The following MAF variants were observed in gnomAD, a reference collection of about 807,000 sequenced individuals.
The protein encoded by MAF is MAF bZIP transcription factor.
MAF carries 10 observed loss-of-function variants against 22.0 expected under a neutral mutation model. The observed-to-expected ratio is 0.45, with a 90% confidence interval of 0.28 to 0.77. The LOEUF (loss-of-function observed/expected upper bound fraction) is 0.77, where lower values mean the gene tolerates loss of function less well. MAF is among the 30% of genes least tolerant of loss of function. MAF has a pLI of 0.12. For synonymous variants in MAF, 337 were observed against 255.8 expected (o/e 1.32, Z -3.03); for missense variants, 544 against 548.4 (o/e 0.99, Z 0.08).
the MAF span, among the ~76,000 whole-genome samples, chr16:79,275,935 A>G: frequency 1.7e-4 from 26 of 152,232 alleles, 1 homozygote; most frequent in Middle Eastern, 6.8e-3. Context: ...AGGTCAGGAG[A>G]TCGAGACCGT....
the MAF span, among the ~76,000 whole-genome samples, chr16:79,406,034 C>A: frequency 6.6e-6 from 1 of 152,220 alleles, no homozygotes; most frequent in African/African-American, 2.4e-5. Flanking sequence ...CAATGGCTGA[C>A]TGGGGTTGGT....
chr16:79,528,968 C>T, the MAF span, among the ~76,000 whole-genome samples: 1 of 152,224 alleles, frequency 6.6e-6, no homozygotes, highest in Non-Finnish European at 1.5e-5. Flanking sequence ...TCCAGCTCCA[C>T]ACTGTTCTTT....
At chr16:79,355,297 G>C in the MAF span, among the ~76,000 whole-genome samples, 1 of 152,206 alleles carries the variant, frequency 6.6e-6, no homozygotes, top group East Asian at 1.9e-4. Context: ...GAGTTGAATT[G>C]ACAGCTCAAA....
the MAF span, among the ~76,000 whole-genome samples, chr16:79,487,080 A>G: frequency 2.0e-5 from 3 of 152,048 alleles, no homozygotes; most frequent in Non-Finnish European, 4.4e-5. Context: ...ATCTATTGAA[A>G]TCTCCTCCAA....
the MAF span, among the ~76,000 whole-genome samples, chr16:79,439,016 C>T: frequency 3.9e-5 from 6 of 152,076 alleles, no homozygotes; most frequent in South Asian, 2.1e-4. Flanking sequence ...CTGTCCACCT[C>T]CAAAGCCCCT....
the MAF span, among the ~76,000 whole-genome samples, chr16:79,478,448 T>C: frequency 6.6e-6 from 1 of 152,024 alleles, no homozygotes. Flanking sequence ...GGCTACCGGG[T>C]TCCAACAGAG....
At chr16:79,387,553 C>T in the MAF span, among the ~76,000 whole-genome samples, 44 of 152,188 alleles carry the variant, frequency 2.9e-4, no homozygotes, top group East Asian at 6.0e-3. Context: ...AAGGCAATGG[C>T]GACCAGTGCA....
the MAF span, among the ~76,000 whole-genome samples, chr16:79,560,430 A>G: frequency 1.3e-5 from 2 of 152,072 alleles, no homozygotes; most frequent in African/African-American, 4.8e-5. Flanking sequence ...TGAAAAAAAA[A>G]AAACCTGAAC....
the MAF span, among the ~76,000 whole-genome samples, chr16:79,413,444 A>G: frequency 6.8e-6 from 1 of 147,900 alleles, no homozygotes; most frequent in Admixed American, 6.8e-5. Context: ...ACGGGGTTTC[A>G]CCATGGTCTC....
chr16:79,312,827 A>G, the MAF span, among the ~76,000 whole-genome samples: 1 of 152,176 alleles, frequency 6.6e-6, no homozygotes, highest in Non-Finnish European at 1.5e-5. Flanking sequence ...CTTCGGCTAC[A>G]TATAAGACAG....
At chr16:79,436,195 G>A in the MAF span, among the ~76,000 whole-genome samples, 12 of 152,248 alleles carry the variant, frequency 7.9e-5, no homozygotes, top group East Asian at 2.3e-3. Context: ...CAATTCTCAT[G>A]CCTCAACCTT....
At chr16:79,357,813 G>A in the MAF span, among the ~76,000 whole-genome samples, 1 of 152,110 alleles carries the variant, frequency 6.6e-6, no homozygotes, top group Non-Finnish European at 1.5e-5. Context: ...CCTGCCCAGT[G>A]TCTGACATCT....
chr16:79,209,343 G>T, the MAF span, among the ~76,000 whole-genome samples: 20,387 of 152,152 alleles, frequency 0.13, 2,168 homozygotes, highest in African/African-American at 0.29. Flanking sequence ...GTGCAACGTG[G>T]TATCATTACA....
chr16:79,202,990 TTTTG>T, the MAF span: 3 of 152,342 alleles, frequency 2.0e-5, no homozygotes, highest in East Asian at 1.9e-4. Flanking sequence ...CAAGGTTAAT[TTTTG>T]TTTGTTTCTA....
chr16:79,211,682 C>G, the MAF span: 1 of 1,614,214 alleles, frequency 6.2e-7, no homozygotes, highest in South Asian at 1.1e-5. Flanking sequence ...TGTACTTCAA[C>G]AACTGCTGCC....
chr16:79,211,488 A>AACT, the MAF span: 1 of 1,305,480 alleles, frequency 7.7e-7, no homozygotes, highest in Non-Finnish European at 1.1e-6. Context: ...TGCTATGCCA[A>AACT]GATCCAGCTG....
chr16:79,278,249 G>A, the MAF span, among the ~76,000 whole-genome samples: 30,859 of 152,170 alleles, frequency 0.2, 3,587 homozygotes, highest in East Asian at 0.52. Context: ...GATGGCAACC[G>A]TTCAAGGGGA....
At chr16:79,375,039 T>A in the MAF span, among the ~76,000 whole-genome samples, 1 of 152,198 alleles carries the variant, frequency 6.6e-6, no homozygotes, top group Non-Finnish European at 1.5e-5. Flanking sequence ...ACTCTCAGTT[T>A]ATAACATGGG....
the MAF span, among the ~76,000 whole-genome samples, chr16:79,208,711 T>G: frequency 1.3e-5 from 2 of 152,150 alleles, no homozygotes; most frequent in African/African-American, 4.8e-5. Flanking sequence ...TTCACTAATG[T>G]GCCTCAGTCT....
Sources: allele counts gnomAD v4.1 joint callset (sites outside exome capture counted in the v4.1 genomes callset), GRCh38; gene constraint gnomAD v4.1.1; transcripts MANE v1.5; gene names NCBI Gene and HGNC (gene_info 2026-07-23, HGNC 2026-07-21).